The following BAZ1A variants were observed in gnomAD, a reference collection of about 807,000 sequenced individuals.
BAZ1A encodes the protein bromodomain adjacent to zinc finger domain protein 1A.
In BAZ1A, 50 loss-of-function variants were observed where a neutral mutation model predicts 185.2. The observed-to-expected ratio is 0.27, with a 90% CI of 0.22 to 0.34. The LOEUF (loss-of-function observed/expected upper bound fraction) is 0.34. Among genes scored for constraint, BAZ1A ranks in the 10% least tolerant of loss-of-function variants. The pLI is 1.00. For synonymous variants in BAZ1A, 571 were observed against 615.6 expected (o/e 0.93, Z 1.07); for missense variants, 1,356 against 1,839.9 (o/e 0.74, Z 4.81).
At chr14:34,770,811 C>T (rs1297186519) in intron 21 of BAZ1A, among the ~76,000 whole-genome samples, 2 of 152,132 alleles carry the variant, frequency 1.3e-5, no homozygotes, top group African/African-American at 4.8e-5. Flanking sequence ...TTCCTTTAAA[C>T]ACTTGGTATT....
chr14:34,761,842 T>C lies in BAZ1A; in HGVS notation c.4158A>G (p.Glu1386=), dbSNP rs1886532885. 1 of 1,614,110 alleles carries C rather than the reference T, an allele frequency of 6.2e-7. No homozygotes were observed. Among genetic ancestry groups the C allele is most frequent in the Admixed American group, 1.7e-5 (1 of 60,004 alleles). Residue 1386 remains glutamate (E), a synonymous_variant, in exon 24 of 27, where the codon GAA becomes GAG. Coordinates refer to ENST00000360310, the MANE Select transcript of BAZ1A (RefSeq NM_013448.3). ...AAGCAATATTTACAGATCTTGACTGTTCACTTGACTTTGTGGCAATGACTC... is the reference window on the plus strand; with the variant it reads ...AAGCAATATTTACAGATCTTGACTGCTCACTTGACTTTGTGGCAATGACTC... ...NFRVIATKSS[E]QSRSVNIASK...
chr14:34,824,524 T>C (rs765302359), intron 4 of BAZ1A, among the ~76,000 whole-genome samples: 1 of 152,032 alleles, frequency 6.6e-6, no homozygotes, highest in Non-Finnish European at 1.5e-5. Context: ...TAGATGACCT[T>C]GTACAAAGCC....
At position 34,807,679 on chromosome 14, in the gene BAZ1A, T is replaced by C. The variant is rs1032497264; in HGVS notation, c.639-141A>G. 4 of 529,460 alleles carry C rather than the reference T, an allele frequency of 7.6e-6. No individual in the cohort carries two copies. The African/African-American group carries it at 7.7e-5, about 10-fold the overall frequency. 32.8% of individuals were successfully genotyped at this position (529,460 alleles called of 1,614,324 possible). On this transcript the variant is annotated intron_variant, in intron 5 of 26. Transcript: ENST00000360310. Reference sequence around the variant, plus strand: ...ACACACTTCATCTTCTAACAGTATTTATGTAGAAGTTACAAGAAACTTTTA... The same window carrying C: ...ACACACTTCATCTTCTAACAGTATTCATGTAGAAGTTACAAGAAACTTTTA...
intron 4 of BAZ1A, among the ~76,000 whole-genome samples, chr14:34,824,398 AGCAGCAACTC>A (rs142115811): frequency 3.8e-5 from 4 of 104,216 alleles, no homozygotes; most frequent in East Asian, 2.7e-4. Flanking sequence ...AAAAAAAAAA[AGCAGCAACTC>A]AAAAAAAAAA....
chr14:34,805,336 C>A (rs899441707), intron 6 of BAZ1A, among the ~76,000 whole-genome samples: 1 of 152,028 alleles, frequency 6.6e-6, no homozygotes, highest in Non-Finnish European at 1.5e-5. Flanking sequence ...ACCTTAATTC[C>A]CATTTATTTA....
chr14:34,860,297 C>A (rs956225137), intron 3 of BAZ1A, among the ~76,000 whole-genome samples: 1 of 151,848 alleles, frequency 6.6e-6, no homozygotes, highest in Non-Finnish European at 1.5e-5. Flanking sequence ...TACTTGAGTT[C>A]ATGAGTTTGA....
intron 9 of BAZ1A, among the ~76,000 whole-genome samples, chr14:34,797,154 G>A (rs1261139811): frequency 1.3e-5 from 2 of 152,088 alleles, no homozygotes; most frequent in African/African-American, 4.8e-5. Context: ...TTAATAACAT[G>A]AAAGAATGTT....
At chr14:34,860,208 A>G (rs866977940) in intron 3 of BAZ1A, among the ~76,000 whole-genome samples, 2 of 152,124 alleles carry the variant, frequency 1.3e-5, no homozygotes, top group Non-Finnish European at 2.9e-5. Flanking sequence ...ACAATCACCA[A>G]TTATGAATGG....
rs979516092 is a variant in BAZ1A at position 34,855,456 on chromosome 14, G to A, written c.392+6588C>T. 2.0e-5 allele frequency among the ~76,000 whole-genome samples: 3 copies of A among 152,272 alleles called. No homozygotes were observed. The South Asian group carries it at 6.2e-4, about 32-fold the overall frequency. ...CACTCTGAACCTATTTCTGGTTCAG[G>A]GGGCTGCCTGATTTGCTAATTGTTC... On this transcript the variant is annotated intron_variant, in intron 3 of 26. Coordinates refer to ENST00000360310, the MANE Select transcript of BAZ1A (RefSeq NM_013448.3).
At chr14:34,863,071 C>T (rs1197438795) in intron 2 of BAZ1A, among the ~76,000 whole-genome samples, 2 of 150,570 alleles carry the variant, frequency 1.3e-5, no homozygotes, top group Non-Finnish European at 3.0e-5. Context: ...TCACTGCAAC[C>T]TCCACCTCCC....
In BAZ1A at chr14:34,800,405, C is replaced by T; in HGVS notation, c.962-15G>A. 1 of 1,527,060 alleles carries T rather than the reference C, an allele frequency of 6.5e-7. No homozygotes were observed. Among genetic ancestry groups the T allele is most frequent in the Admixed American group, 2.4e-5 (1 of 41,170 alleles). 94.6% of individuals were successfully genotyped at this position (1,527,060 alleles called of 1,614,324 possible). A position where few individuals can be genotyped will look rare whatever the true frequency, so the allele number is the denominator to read the frequency against. ...CTTTTCAAAAGCTGTGAAGAAAAAT[C>T]AAACTTAGAACTATATATATAGACA... is the stretch of plus-strand genomic sequence containing the variant. On this transcript the variant is annotated splice_polypyrimidine_tract_variant and intron_variant, in intron 8 of 26. Coordinates refer to ENST00000360310, the MANE Select transcript of BAZ1A (RefSeq NM_013448.3).
chr14:34,795,631 A>G, intron 10 of BAZ1A, 39 bp downstream of exon 10: 1 of 1,400,840 alleles, frequency 7.1e-7, no homozygotes, highest in Non-Finnish European at 9.8e-7. Context: ...AGGACATGTA[A>G]AACCTATGTG....
intron 3 of BAZ1A, among the ~76,000 whole-genome samples, chr14:34,841,756 T>G (rs1384592505): frequency 6.6e-6 from 1 of 152,184 alleles, no homozygotes; most frequent in East Asian, 1.9e-4. Flanking sequence ...ATTTCACTTA[T>G]CCTTGCCTTG....
chr14:34,821,357 A>T (rs1215436677), intron 4 of BAZ1A, among the ~76,000 whole-genome samples: 3 of 152,216 alleles, frequency 2.0e-5, no homozygotes, highest in Admixed American at 2.0e-4. Context: ...TAACATGAAA[A>T]AATGTTAATG....
chr14:34,759,385 G>T (rs761844232), intron 24 of BAZ1A, among the ~76,000 whole-genome samples: 2 of 151,808 alleles, frequency 1.3e-5, no homozygotes, highest in Admixed American at 1.3e-4. Flanking sequence ...GGGTTTCACC[G>T]TGTTAGCTAG....
At chr14:34,759,484 C>T (rs917255919) in intron 24 of BAZ1A, among the ~76,000 whole-genome samples, 24 of 152,216 alleles carry the variant, frequency 1.6e-4, no homozygotes, top group Non-Finnish European at 2.9e-4. Context: ...CAGGCGTGAG[C>T]CACCACGCCC....
intron 20 of BAZ1A, among the ~76,000 whole-genome samples, chr14:34,772,908 A>C (rs1330773062): frequency 1.3e-5 from 2 of 152,136 alleles, no homozygotes; most frequent in Non-Finnish European, 2.9e-5. Context: ...CGTGCCTGTA[A>C]TCCCAGCTAC....
At position 34,860,537 on chromosome 14, in the gene BAZ1A, C is replaced by CAA. The variant is rs377519796; in HGVS notation, c.392+1505_392+1506dup. On this transcript the variant is annotated intron_variant, in intron 3 of 26. Coordinates refer to ENST00000360310, the MANE Select transcript of BAZ1A (RefSeq NM_013448.3). The stretch of plus-strand genomic sequence containing the variant: ...AAAAGTTAAAAAAAAAAAAAAAAAG[C>CAA]AAAAAAAAAAAACAAAAACAAACCC... Among the ~76,000 whole-genome samples the CAA allele has an allele frequency of 1.2e-4, 11 of 88,414 alleles. No homozygotes were observed. The East Asian group carries it at 1.4e-3, about 11-fold the overall frequency. 58.0% of individuals were successfully genotyped at this position (88,414 alleles called of 152,430 possible). A position where few individuals can be genotyped will look rare whatever the true frequency, so the allele number is the denominator to read the frequency against.
chr14:34,784,418 A>C (rs1880286070), intron 14 of BAZ1A, among the ~76,000 whole-genome samples: 1 of 149,338 alleles, frequency 6.7e-6, no homozygotes, highest in African/African-American at 2.5e-5. Flanking sequence ...TCCAATTTGC[A>C]GCTATTGATA....
Sources: gnomAD v4.1 joint callset for allele counts (sites outside exome capture counted in the v4.1 genomes callset) on GRCh38, gnomAD v4.1.1 for gene constraint, MANE v1.5 for transcripts, NCBI Gene and HGNC (gene_info 2026-07-23, HGNC 2026-07-21) for gene names.